Variants in CDC14B observed in about 807,000 individuals in gnomAD.
CDC14B encodes the protein dual specificity protein phosphatase CDC14B.
Under a neutral mutation model 64.2 loss-of-function variants are expected in CDC14B, and 22 were observed. That is an observed-to-expected ratio of 0.34 (90% CI 0.24 to 0.49). The LOEUF (loss-of-function observed/expected upper bound fraction) is 0.49, where lower values mean the gene tolerates loss of function less well. Among genes scored for constraint, CDC14B ranks in the 20% least tolerant of loss-of-function variants. The probability of loss-of-function intolerance (pLI) is 0.99; values close to 1 mark genes in which losing one functional copy is unlikely to be tolerated. For synonymous variants in CDC14B, 191 were observed against 215.8 expected, an observed-to-expected ratio of 0.89 and a Z score of 1.01; for missense variants, 498 against 629.9, an observed-to-expected ratio of 0.79 and a Z score of 2.24.
At chr9:96,565,011 T>C (rs1416214236) in intron 2 of CDC14B, among the ~76,000 whole-genome samples, 159 bp from the exon 3 acceptor site, 2 of 152,318 alleles carry the variant, frequency 1.3e-5, no homozygotes, top group Non-Finnish European at 2.9e-5. Context: ...TGGAAGACTA[T>C]TCTGGTAAAT....
chr9:96,504,670 C>T (rs1833884699), intron 13 of CDC14B, among the ~76,000 whole-genome samples: 1 of 152,216 alleles, frequency 6.6e-6, no homozygotes, highest in African/African-American at 2.4e-5. Flanking sequence ...TCTGGGACTC[C>T]TCTCCTGATG....
intron 4 of CDC14B, among the ~76,000 whole-genome samples, chr9:96,559,669 TTTTAGCAGCCAGCTA>T (rs1370973535): frequency 4.6e-5 from 7 of 152,324 alleles, no homozygotes; most frequent in Admixed American, 2.6e-4. Flanking sequence ...CCAATTCCTA[TTTTAGCAGCCAGCTA>T]TGGCTGCAAA....
intron 3 of CDC14B, among the ~76,000 whole-genome samples, chr9:96,563,756 AT>A (rs982457946): frequency 6.6e-6 from 1 of 152,038 alleles, no homozygotes; most frequent in Non-Finnish European, 1.5e-5. Flanking sequence ...CAGGAAAAAA[AT>A]TTTTTTCCAA....
At chr9:96,606,672 T>C (rs374948266) in intron 1 of CDC14B, among the ~76,000 whole-genome samples, 1 of 151,972 alleles carries the variant, frequency 6.6e-6, no homozygotes, top group African/African-American at 2.4e-5. Context: ...GTTCAAGCGA[T>C]TCTCCTGCCT....
rs550758616 is a variant in CDC14B at position 96,502,639 on chromosome 9, C to T, written c.*1114G>A. On this transcript the variant is annotated 3_prime_UTR_variant, in exon 14 of 14. Coordinates refer to ENST00000375241, the MANE Select transcript of CDC14B (RefSeq NM_033331.4). The stretch of plus-strand genomic sequence containing the variant: ...CAGCACATCAATTCTGTTTCTGTAA[C>T]TGCTTCATGGCACAGACTCTGCTGT... The T allele has an allele frequency of 1.6e-4, 55 of 339,398 alleles. No homozygotes were observed. Among genetic ancestry groups the T allele is most frequent in the African/African-American group, 1.2e-3 (53 of 45,772 alleles). The allele number at this position is 339,398 out of a possible 1,614,324, so 21.0% of individuals were successfully genotyped here.
rs551085718 is a variant in CDC14B, at chr9:96,570,673, A to C, written c.161-5190T>G. ...CTGTTCATCAAAGTACTGATTAACA[A>C]AGAAGCGGCAGCAGCATTACCCACT... On this transcript the variant is annotated intron_variant, in intron 1 of 13. Transcript: ENST00000375241. Among the ~76,000 whole-genome samples, 14 of 152,346 alleles carry C rather than the reference A, an allele frequency of 9.2e-5. No homozygotes were observed. The East Asian group carries it at 2.7e-3, about 29-fold the overall frequency.
exon 14 of CDC14B, chr9:96,493,024 C>T (rs374683035): frequency 6.6e-6 from 1 of 152,322 alleles, no homozygotes; most frequent in Non-Finnish European, 1.5e-5. Flanking sequence ...GGTCAGACTT[C>T]AGACCATTTC....
At chr9:96,593,332 C>T (rs1161511969) in intron 1 of CDC14B, among the ~76,000 whole-genome samples, 1 of 151,952 alleles carries the variant, frequency 6.6e-6, no homozygotes, top group Non-Finnish European at 1.5e-5. Context: ...ACTAAAAATA[C>T]AAAAATTAGC....
chr9:96,566,717 C>T (rs1461710338), intron 1 of CDC14B: 1 of 1,546,266 alleles, frequency 6.5e-7, no homozygotes, highest in Admixed American at 1.8e-5. Context: ...CCGCCCTGTC[C>T]CAGCGCGGGT....
chr9:96,567,094 G>T, intron 1 of CDC14B: 1 of 793,900 alleles, frequency 1.3e-6, no homozygotes, highest in Non-Finnish European at 1.9e-6. Flanking sequence ...CTGGCCGCCC[G>T]CCTTCCTTCC....
Position 96,619,363 on chromosome 9 carries a change from C to T in CDC14B, c.16G>A (p.Glu6Lys). 1.6e-6 allele frequency: 2 copies of T among 1,225,826 alleles called. No homozygotes were observed. Among genetic ancestry groups the T allele is most frequent in the Non-Finnish European group, 1.0e-6 (1 of 981,300 alleles). 75.9% of individuals were successfully genotyped at this position (1,225,826 alleles called of 1,614,324 possible). The change falls in exon 1 of 14, where the codon GAG becomes AAG. Residue 6 changes from glutamate (E) to lysine (K), a missense_variant. Coordinates refer to ENST00000375241, the MANE Select transcript of CDC14B (RefSeq NM_033331.4). The part of the protein sequence containing the change: MKRKS[E>K]RRSSWAAAPP... ...GCGGCGGCCCAGCTCGACCGCCGCT[C>T]GCTTTTCCGCTTCATGGAGGCGGCC...
At position 96,564,765 on chromosome 9, in the gene CDC14B, T is replaced by TA; in HGVS notation, c.327+11dup. On this transcript the variant is annotated intron_variant, in intron 3 of 13. Coordinates refer to ENST00000375241, the MANE Select transcript of CDC14B (RefSeq NM_033331.4). ...AACAATGATTACTTAAGTCAAATCT[T>TA]AAAGACTTTACCTTTAATTTCTTAT... 1 of 1,534,862 alleles carries TA rather than the reference T, an allele frequency of 6.5e-7. No homozygotes were observed. The highest frequency in any genetic ancestry group is 8.9e-7 in the Non-Finnish European group (1 of 1,122,810).
At chr9:96,598,474 T>A (rs1420569449) in intron 1 of CDC14B, among the ~76,000 whole-genome samples, 2 of 152,054 alleles carry the variant, frequency 1.3e-5, no homozygotes. Flanking sequence ...GTAGCTGGGA[T>A]TACAGGCGCC....
intron 1 of CDC14B, 89 bp from the exon 2 acceptor site, chr9:96,565,572 T>C: frequency 2.4e-6 from 2 of 828,498 alleles, no homozygotes; most frequent in Non-Finnish European, 4.2e-6. Context: ...ATGAAGTCAA[T>C]TTTTCATTTT....
At chr9:96,605,440 C>T (rs1318011376) in intron 1 of CDC14B, among the ~76,000 whole-genome samples, 1 of 152,198 alleles carries the variant, frequency 6.6e-6, no homozygotes, top group Non-Finnish European at 1.5e-5. Context: ...GTGAGGAAAA[C>T]TCTGCAGCGT....
chr9:96,546,896 A>T (rs1179937643), intron 5 of CDC14B, among the ~76,000 whole-genome samples: 1 of 151,840 alleles, frequency 6.6e-6, no homozygotes. Context: ...CCCCGTCTCT[A>T]CTAAAAATAC....
chr9:96,534,527 C>G lies in CDC14B; in HGVS notation c.643G>C (p.Asp215His). ...CGGTCTGGTATTATCCAATTTAAAT[C>G]TCCATTTTCTGCTTTCTGCAAGGGG... The part of the protein sequence containing the change: ...YEHYEKAENG[D>H]LNWIIPDRFI... Residue 215 changes from aspartate (D) to histidine (H), a missense_variant, in exon 8 of 14, where the codon GAT (aspartate) becomes CAT (histidine). Asp to His is a moderately conservative substitution (Grantham distance 81, BLOSUM62 -1). Transcript: ENST00000375241. The G allele has an allele frequency of 6.2e-7, 1 of 1,612,754 alleles. No individual in the cohort carries two copies. Among genetic ancestry groups the G allele is most frequent in the Non-Finnish European group, 8.5e-7 (1 of 1,178,912 alleles).
Position 96,524,328 on chromosome 9 carries a change from G to A in CDC14B, c.947-603C>T, listed in dbSNP as rs145944866. ...CTTCCAGATGATTCTATGTGTAGCC[G>A]AGGTGGAGAATCACTTTCTGAGCAA... On this transcript the variant is annotated intron_variant, in intron 9 of 13. Coordinates refer to ENST00000375241, the MANE Select transcript of CDC14B (RefSeq NM_033331.4). 5.3e-5 allele frequency among the ~76,000 whole-genome samples: 8 copies of A among 150,496 alleles called. No individual in the cohort carries two copies. The South Asian group carries it at 8.5e-4, about 16-fold the overall frequency.
chr9:96,507,199 G>A lies in CDC14B; in HGVS notation c.1460+2474C>T, dbSNP rs531509772. Among the ~76,000 whole-genome samples the A allele has an allele frequency of 1.6e-3, 249 of 151,966 alleles. 1 individual carries two copies. Among genetic ancestry groups the A allele is most frequent in the Middle Eastern group, 0.01 (3 of 294 alleles). Reference sequence around the variant, plus strand: ...ACAAGTAGTAATCCCAGCTACTTGGGAGGATGAGGCGGGAGGATGAGGCAG... The same window carrying A: ...ACAAGTAGTAATCCCAGCTACTTGGAAGGATGAGGCGGGAGGATGAGGCAG... On this transcript the variant is annotated intron_variant, in intron 13 of 13. Coordinates refer to ENST00000375241, the MANE Select transcript of CDC14B (RefSeq NM_033331.4).
Sources: allele counts gnomAD v4.1 joint callset (sites outside exome capture counted in the v4.1 genomes callset), GRCh38; gene constraint gnomAD v4.1.1; transcripts MANE v1.5; gene names NCBI Gene and HGNC (gene_info 2026-07-23, HGNC 2026-07-21).